ROBO2: variants seen among roughly 807,000 people sequenced by gnomAD.
The protein encoded by ROBO2 is roundabout homolog 2.
In ROBO2, 53 loss-of-function variants were observed where a neutral mutation model predicts 160.8. The observed-to-expected ratio is 0.33, with a 90% CI of 0.26 to 0.41. ROBO2 has a LOEUF of 0.41. ROBO2 is among the 10% of genes least tolerant of loss of function. ROBO2 has a pLI of 1.00. For synonymous variants in ROBO2, 664 were observed against 611.7 expected (o/e 1.09, Z -1.26); for missense variants, 1,577 against 1,722.4 (o/e 0.92, Z 1.49).
chr3:77,295,071 G>C (rs1190854174), intron 2 of ROBO2, among the ~76,000 whole-genome samples: 1 of 150,868 alleles, frequency 6.6e-6, no homozygotes, highest in East Asian at 2.0e-4. Flanking sequence ...ACTGAGGCTA[G>C]AGCACTAAAG....
chr3:77,616,901 T>C (rs934102334), intron 21 of ROBO2, among the ~76,000 whole-genome samples: 4 of 152,298 alleles, frequency 2.6e-5, no homozygotes, highest in Admixed American at 1.3e-4. Context: ...ATTATTTTTA[T>C]TTTATAGGGC....
intron 2 of ROBO2, among the ~76,000 whole-genome samples, chr3:77,012,911 G>A (rs2062005520): frequency 3.3e-5 from 5 of 152,118 alleles, no homozygotes; most frequent in South Asian, 4.1e-4. Flanking sequence ...AATTTATTTT[G>A]CGTTCCCAGA....
intron 2 of ROBO2, among the ~76,000 whole-genome samples, chr3:76,616,501 T>C (rs2088595751): frequency 6.6e-6 from 1 of 152,194 alleles, no homozygotes; most frequent in South Asian, 2.1e-4. Flanking sequence ...TAGCATTTTT[T>C]TTCTGAGATT....
chr3:77,577,881 T>C (rs1302038248), intron 15 of ROBO2, among the ~76,000 whole-genome samples: 7 of 152,072 alleles, frequency 4.6e-5, no homozygotes, highest in Non-Finnish European at 2.9e-5. Context: ...ACCTCAAGGA[T>C]TTAAAGAGAT....
chr3:76,108,537 CT>C (rs993578595), intron 2 of ROBO2, among the ~76,000 whole-genome samples: 1 of 151,716 alleles, frequency 6.6e-6, no homozygotes, highest in African/African-American at 2.4e-5. Context: ...TTTTATCCAT[CT>C]TTGTTTTGAA....
chr3:77,155,954 TCTC>T (rs930144421), intron 2 of ROBO2, among the ~76,000 whole-genome samples: 22 of 151,990 alleles, frequency 1.4e-4, no homozygotes, highest in African/African-American at 5.1e-4. Context: ...TTTAGAGCCT[TCTC>T]CTCTTCTTGC....
intron 2 of ROBO2, among the ~76,000 whole-genome samples, chr3:77,110,773 A>G (rs1300634167): frequency 6.6e-6 from 1 of 151,928 alleles, no homozygotes. Context: ...AGCACACTGC[A>G]GCCTTGACTT....
At chr3:75,991,284 C>T (rs2065560697) in intron 2 of ROBO2, among the ~76,000 whole-genome samples, 1 of 152,054 alleles carries the variant, frequency 6.6e-6, no homozygotes, top group South Asian at 2.1e-4. Flanking sequence ...GGGTGTGTCC[C>T]CACCCAAATC....
chr3:76,173,407 G>C (rs973164532), intron 2 of ROBO2, among the ~76,000 whole-genome samples: 2 of 151,912 alleles, frequency 1.3e-5, no homozygotes, highest in African/African-American at 4.8e-5. Context: ...TTATTACATA[G>C]GTATACATGT....
intron 2 of ROBO2, among the ~76,000 whole-genome samples, chr3:76,816,944 C>T (rs779541002): frequency 2.6e-5 from 4 of 152,016 alleles, no homozygotes; most frequent in Admixed American, 2.0e-4. Flanking sequence ...AGCTGGAAAC[C>T]ATCATTCTCA....
chr3:77,137,295 C>G (rs1224445592), intron 2 of ROBO2, among the ~76,000 whole-genome samples: 1 of 151,342 alleles, frequency 6.6e-6, no homozygotes, highest in Non-Finnish European at 1.5e-5. Context: ...GGTGTGATCT[C>G]GGCTCACTGC....
intron 2 of ROBO2, among the ~76,000 whole-genome samples, chr3:77,118,953 A>AATCTCATCTTG (rs1383675838): frequency 6.6e-6 from 1 of 152,092 alleles, no homozygotes; most frequent in Non-Finnish European, 1.5e-5. Context: ...TCGCCACCCA[A>AATCTCATCTTG]ATCTCATCTT....
At chr3:77,384,675 G>A (rs1260340567) in intron 2 of ROBO2, among the ~76,000 whole-genome samples, 1 of 152,110 alleles carries the variant, frequency 6.6e-6, no homozygotes, top group Non-Finnish European at 1.5e-5. Context: ...TAACAAATAA[G>A]ATAATAAATT....
At chr3:76,723,373 AC>A (rs1398684638) in intron 2 of ROBO2, among the ~76,000 whole-genome samples, 3 of 152,156 alleles carry the variant, frequency 2.0e-5, no homozygotes, top group Non-Finnish European at 2.9e-5. Context: ...TGAGTAGTGC[AC>A]CATCTTTGGG....
intron 2 of ROBO2, among the ~76,000 whole-genome samples, chr3:76,885,502 G>A (rs1268758324): frequency 1.3e-5 from 2 of 152,128 alleles, no homozygotes; most frequent in African/African-American, 4.8e-5. Flanking sequence ...ATTAATGATA[G>A]AGTTAATAAG....
chr3:76,929,320 G>T (rs1340185540), intron 2 of ROBO2, among the ~76,000 whole-genome samples: 1 of 152,072 alleles, frequency 6.6e-6, no homozygotes, highest in Non-Finnish European at 1.5e-5. Context: ...TCTGCCTTGT[G>T]CCCATCTCAG....
At chr3:76,196,964 G>A (rs866243236) in intron 2 of ROBO2, among the ~76,000 whole-genome samples, 22 of 152,186 alleles carry the variant, frequency 1.4e-4, no homozygotes, top group Non-Finnish European at 1.6e-4. Context: ...ATGGCTTTCC[G>A]TTTAATGATT....
chr3:77,130,904 A>T (rs1035362734), intron 2 of ROBO2, among the ~76,000 whole-genome samples: 1 of 152,216 alleles, frequency 6.6e-6, no homozygotes, highest in Non-Finnish European at 1.5e-5. Flanking sequence ...CACTGACAGT[A>T]TGGTTAGCAT....
At chr3:77,498,314 G>T (rs183537130) in intron 5 of ROBO2, among the ~76,000 whole-genome samples, 185 of 152,260 alleles carry the variant, frequency 1.2e-3, no homozygotes, top group African/African-American at 4.4e-3. Context: ...AATAAAATAT[G>T]CCATTTACAT....
Sources: gnomAD v4.1 joint callset for allele counts (sites outside exome capture counted in the v4.1 genomes callset) on GRCh38, gnomAD v4.1.1 for gene constraint, MANE v1.5 for transcripts, NCBI Gene and HGNC (gene_info 2026-07-23, HGNC 2026-07-21) for gene names.